TBC1D1: variants seen among roughly 807,000 people sequenced by gnomAD.
TBC1D1 encodes the protein TBC1 (tre-2/USP6, BUB2, cdc16) domain family, member 1.
Under a neutral mutation model 125.6 loss-of-function variants are expected in TBC1D1, and 89 were observed. The observed-to-expected ratio is 0.71, with a 90% CI of 0.60 to 0.85. The LOEUF (loss-of-function observed/expected upper bound fraction) is 0.85, where lower values mean the gene tolerates loss of function less well. TBC1D1 is among the 40% of genes least tolerant of loss of function. TBC1D1 has a pLI of 0.00. For synonymous variants in TBC1D1, 565 were observed against 564.1 expected, an observed-to-expected ratio of 1.00 and a Z score of -0.02; for missense variants, 1,377 against 1,469.2, an observed-to-expected ratio of 0.94 and a Z score of 1.03.
chr4:38,045,009 G>C (rs1326217827), intron 9 of TBC1D1, among the ~76,000 whole-genome samples: 1 of 152,208 alleles, frequency 6.6e-6, no homozygotes, highest in Non-Finnish European at 1.5e-5. Flanking sequence ...GCAGACTTCA[G>C]CAGTTGCCAC....
At chr4:38,006,272 G>A (rs1740148090) in intron 2 of TBC1D1, among the ~76,000 whole-genome samples, 1 of 151,982 alleles carries the variant, frequency 6.6e-6, no homozygotes, top group African/African-American at 2.4e-5. Context: ...CACAGCCAAG[G>A]CCAAAATAGT....
Position 38,014,494 on chromosome 4 carries a change from T to G in TBC1D1, c.418-15T>G, listed in dbSNP as rs181869091. On this transcript the variant is annotated splice_polypyrimidine_tract_variant and intron_variant, in intron 2 of 19. Coordinates refer to ENST00000261439, the MANE Select transcript of TBC1D1 (RefSeq NM_015173.4). The surrounding 1 kb of genome is among the most constrained non-coding windows in gnomAD (Gnocchi z 5.1). ...CACTGCATGTTCCAAATAACACGCC[T>G]CTCTCTCTCCTCAGGTGCCTGAGAT... The G allele has an allele frequency of 1.0e-4, 163 of 1,603,940 alleles. No homozygotes were observed. The African/African-American group carries it at 2.0e-3, about 19-fold the overall frequency.
intron 8 of TBC1D1, among the ~76,000 whole-genome samples, chr4:38,038,349 C>A (rs1044536989): frequency 1.3e-5 from 2 of 151,944 alleles, no homozygotes; most frequent in African/African-American, 4.8e-5. Flanking sequence ...AGAATTATAC[C>A]ATGAGCACTC....
chr4:38,081,663 T>TA (rs1182578654), intron 12 of TBC1D1, among the ~76,000 whole-genome samples: 1 of 152,226 alleles, frequency 6.6e-6, no homozygotes, highest in Non-Finnish European at 1.5e-5. Context: ...ATTCAGCACT[T>TA]ACTCTTGTCT....
intron 15 of TBC1D1, 22 bp downstream of exon 17, chr4:38,103,179 G>A: frequency 1.3e-6 from 2 of 1,592,836 alleles, no homozygotes; most frequent in Non-Finnish European, 1.7e-6. Flanking sequence ...CCATCGATTG[G>A]AGATGACAAT....
intron 12 of TBC1D1, among the ~76,000 whole-genome samples, chr4:38,074,136 G>A (rs938552365): frequency 1.3e-5 from 2 of 152,176 alleles, no homozygotes; most frequent in Non-Finnish European, 2.9e-5. Flanking sequence ...TGATGCTCCT[G>A]CCCCATCCCA....
intron 2 of TBC1D1, among the ~76,000 whole-genome samples, chr4:37,968,171 C>G (rs1347518668): frequency 6.6e-6 from 1 of 152,080 alleles, no homozygotes; most frequent in East Asian, 1.9e-4. Flanking sequence ...AAGAGATAGA[C>G]CTATGTCATA....
intron 12 of TBC1D1, among the ~76,000 whole-genome samples, chr4:38,075,094 TC>T (rs1173931086): frequency 6.6e-6 from 1 of 152,216 alleles, no homozygotes; most frequent in African/African-American, 2.4e-5. Flanking sequence ...AAATATTACC[TC>T]TTTAATGATG....
intron 11 of TBC1D1, among the ~76,000 whole-genome samples, chr4:38,053,666 CTG>C (rs2152485765): frequency 6.6e-6 from 1 of 152,374 alleles, no homozygotes; most frequent in Non-Finnish European, 1.5e-5. Flanking sequence ...ATATTGATAA[CTG>C]TATTTTGTAG....
intron 3 of TBC1D1, among the ~76,000 whole-genome samples, chr4:38,016,267 TA>T (rs1293737776): frequency 6.6e-6 from 1 of 152,228 alleles, no homozygotes; most frequent in Non-Finnish European, 1.5e-5. Context: ...GATTTTCACC[TA>T]ACACAAGGTT....
At chr4:38,107,729 C>T (rs963982344) in intron 15 of TBC1D1, among the ~76,000 whole-genome samples, 7 of 152,010 alleles carry the variant, frequency 4.6e-5, no homozygotes, top group East Asian at 1.9e-4. Context: ...AAATTGGGCA[C>T]GTGCCGTTAT....
chr4:38,125,090 C>T lies in TBC1D1; in HGVS notation c.3091C>T (p.Pro1031Ser), dbSNP rs1396070018. ...AGTTGACTTTATAAAAAGCACGCTA[C>T]CCAACCTTGGCTTGGTACAGATGGA... is the stretch of plus-strand genomic sequence containing the variant. Residue 1031 changes from proline to serine, a missense_variant, in exon 18 of 20, where the codon CCC becomes TCC. By Grantham distance (74) the Pro-to-Ser change is moderately conservative (BLOSUM62 -1). Around this residue, in one of 3 missense-constraint regions of TBC1D1, gnomAD observed 543 missense variants for 613.5 expected, o/e 0.89. Transcript: ENST00000261439. The T allele has an allele frequency of 4.3e-6, 7 of 1,613,970 alleles. No homozygotes were observed.
chr4:38,052,164 C>G, intron 11 of TBC1D1, 104 bp downstream of exon 12: 1 of 946,804 alleles, frequency 1.1e-6, no homozygotes, highest in Non-Finnish European at 1.5e-6. Flanking sequence ...GGAAGCAGAG[C>G]CACTGTGTGT....
chr4:38,095,877 A>G, intron 13 of TBC1D1, 52 bp from the exon 16 acceptor site: 1 of 1,532,650 alleles, frequency 6.5e-7, no homozygotes, highest in Non-Finnish European at 8.8e-7. Flanking sequence ...TGTGTAATGG[A>G]AATTCCATAG....
chr4:38,012,611 A>G (rs1741747941), intron 2 of TBC1D1, among the ~76,000 whole-genome samples: 1 of 152,056 alleles, frequency 6.6e-6, no homozygotes, highest in Non-Finnish European at 1.5e-5. Context: ...TTCTGTTGTG[A>G]ACCATTGGCA....
At chr4:37,911,011 C>T (rs935844295) in intron 2 of TBC1D1, among the ~76,000 whole-genome samples, 3 of 151,264 alleles carry the variant, frequency 2.0e-5, no homozygotes, top group Admixed American at 6.6e-5. Flanking sequence ...TTTTAAACTA[C>T]GTATGTAGCT....
chr4:38,137,781 G>C lies in TBC1D1; in HGVS notation c.*446G>C, dbSNP rs1469640970. ...TGGCGACTACACCCTCAGCGTCCCT[G>C]GCAAGGTGCAGTTGGCTCTCGCCCA... is the stretch of plus-strand genomic sequence containing the variant. On this transcript the variant is annotated 3_prime_UTR_variant, in exon 20 of 20. Coordinates refer to ENST00000261439, the MANE Select transcript of TBC1D1 (RefSeq NM_015173.4). 3 of 155,884 alleles carry C rather than the reference G, an allele frequency of 1.9e-5. No individual in the cohort carries two copies. Among genetic ancestry groups the C allele is most frequent in the Non-Finnish European group, 4.3e-5 (3 of 70,378 alleles). 9.7% of individuals were successfully genotyped at this position (155,884 alleles called of 1,614,324 possible). A position where few individuals can be genotyped will look rare whatever the true frequency, so the allele number is the denominator to read the frequency against.
chr4:38,009,069 A>G (rs1346846644), intron 2 of TBC1D1, among the ~76,000 whole-genome samples: 4 of 152,254 alleles, frequency 2.6e-5, no homozygotes, highest in African/African-American at 7.2e-5. Context: ...AGTGTTTTGC[A>G]TGAAATTTAA....
intron 2 of TBC1D1, among the ~76,000 whole-genome samples, chr4:37,993,548 C>T (rs1311409437): frequency 2.0e-5 from 3 of 152,178 alleles, no homozygotes; most frequent in Non-Finnish European, 2.9e-5. Flanking sequence ...CATACAGTAG[C>T]ACTCCCTTGG....
Sources: allele counts gnomAD v4.1 joint callset (sites outside exome capture counted in the v4.1 genomes callset), GRCh38; gene constraint gnomAD v4.1.1; regional missense constraint gnomAD v4.1.1; non-coding constraint Gnocchi (gnomAD v3.1); transcripts MANE v1.5; gene names NCBI Gene and HGNC (gene_info 2026-07-23, HGNC 2026-07-21).